NEO1: variants seen among roughly 807,000 people sequenced by gnomAD.
NEO1 encodes the protein neogenin 1.
Under a neutral mutation model 159.7 loss-of-function variants are expected in NEO1, and 63 were observed. The ratio of observed to expected loss-of-function variants is 0.39; its 90% CI spans 0.32 to 0.49. The LOEUF is 0.49. Ranked by LOEUF, NEO1 falls within the 20% of genes least tolerant of loss-of-function variation. The pLI is 0.85. For missense variants in NEO1, 1,615 were observed against 1,831.0 expected (o/e 0.88, Z 2.15); for synonymous variants, 633 against 662.0 (o/e 0.96, Z 0.67).
chr15:73,299,713 A>G (rs2042538770), intron 27 of NEO1, among the ~76,000 whole-genome samples: 1 of 152,270 alleles, frequency 6.6e-6, no homozygotes, highest in East Asian at 1.9e-4. Flanking sequence ...AAACAAAAAT[A>G]TAGTGAGAAG....
intron 1 of NEO1, among the ~76,000 whole-genome samples, chr15:73,057,706 C>T (rs562979564): frequency 3.7e-4 from 57 of 152,252 alleles, no homozygotes; most frequent in African/African-American, 1.3e-3. Flanking sequence ...TTCAGACCCA[C>T]TGGTATGATT....
chr15:73,225,479 C>T (rs1055814137), intron 7 of NEO1, among the ~76,000 whole-genome samples: 3 of 152,060 alleles, frequency 2.0e-5, no homozygotes, highest in African/African-American at 4.8e-5. Flanking sequence ...CGTCTCCCTG[C>T]GGCTGCTGTG....
chr15:73,230,605 GT>G (rs1273411982), intron 7 of NEO1, among the ~76,000 whole-genome samples: 1 of 152,100 alleles, frequency 6.6e-6, no homozygotes, highest in East Asian at 1.9e-4. Flanking sequence ...AAAAAATTGT[GT>G]TTTTGAGGCA....
chr15:73,215,304 T>G (rs1304941240), intron 7 of NEO1, among the ~76,000 whole-genome samples: 1 of 151,830 alleles, frequency 6.6e-6, no homozygotes, highest in African/African-American at 2.4e-5. Context: ...GCTAGGACTT[T>G]CCAGTACTGT....
chr15:73,164,518 T>C (rs2034434481), intron 5 of NEO1, among the ~76,000 whole-genome samples: 1 of 152,168 alleles, frequency 6.6e-6, no homozygotes, highest in South Asian at 2.1e-4. Context: ...CCCAGCCTCT[T>C]TTTCTTATTT....
intron 5 of NEO1, among the ~76,000 whole-genome samples, chr15:73,138,770 A>C (rs1413192202): frequency 6.7e-6 from 1 of 150,188 alleles, no homozygotes. Context: ...AAAAAAAAAA[A>C]ACAAAAAAAC....
intron 7 of NEO1, among the ~76,000 whole-genome samples, chr15:73,211,108 T>C (rs1436801436): frequency 1.3e-5 from 2 of 152,226 alleles, no homozygotes; most frequent in Non-Finnish European, 2.9e-5. Flanking sequence ...CTGATAATTA[T>C]TGTAATATCT....
intron 1 of NEO1, among the ~76,000 whole-genome samples, chr15:73,076,653 C>T (rs1176374387): frequency 6.6e-6 from 1 of 152,138 alleles, no homozygotes; most frequent in Non-Finnish European, 1.5e-5. Context: ...TCCAACTCCC[C>T]CAACCTCAGC....
intron 23 of NEO1, among the ~76,000 whole-genome samples, chr15:73,287,926 C>T (rs750475469): frequency 1.1e-4 from 16 of 151,654 alleles, no homozygotes; most frequent in Non-Finnish European, 2.1e-4. Context: ...TTATAAGCCA[C>T]AGACTTTCCC....
chr15:73,281,901 G>C (rs1000453412), intron 22 of NEO1, among the ~76,000 whole-genome samples: 31 of 152,312 alleles, frequency 2.0e-4, no homozygotes, highest in African/African-American at 7.2e-4. Flanking sequence ...ACAAAGCCTA[G>C]AGCTCATCCT....
intron 1 of NEO1, among the ~76,000 whole-genome samples, chr15:73,055,286 C>T (rs1047243293): frequency 2.6e-5 from 4 of 152,162 alleles, no homozygotes; most frequent in African/African-American, 9.7e-5. Context: ...TCTGCCTGAA[C>T]CATTTATTTC....
rs532027192 is a variant in NEO1 at position 73,112,747 on chromosome 15, G to A, written c.131-3793G>A. On this transcript the variant is annotated intron_variant, in intron 1 of 28. Transcript: ENST00000261908. ...TTGACAAGGTCCTTAACATTTATAT[G>A]TTGTTTTCCTCTCTAAAATGGGGCT... 7.5e-4 allele frequency among the ~76,000 whole-genome samples: 114 copies of A among 152,232 alleles called. 1 individual carries two copies. Among genetic ancestry groups the A allele is most frequent in the Middle Eastern group, 3.4e-3 (1 of 294 alleles).
chr15:73,250,212 A>C (rs1329707260), intron 11 of NEO1, among the ~76,000 whole-genome samples: 1 of 152,126 alleles, frequency 6.6e-6, no homozygotes, highest in African/African-American at 2.4e-5. Context: ...ATATACACCC[A>C]TGACCTAGAG....
At chr15:73,069,354 G>A (rs564828988) in intron 1 of NEO1, among the ~76,000 whole-genome samples, 2 of 151,626 alleles carry the variant, frequency 1.3e-5, no homozygotes, top group African/African-American at 4.8e-5. Context: ...ATGTCAGCAC[G>A]TTCTTTGATC....
At chr15:73,054,939 A>G (rs1009038437) in intron 1 of NEO1, among the ~76,000 whole-genome samples, 98 of 152,180 alleles carry the variant, frequency 6.4e-4, no homozygotes, top group African/African-American at 2.2e-3. Flanking sequence ...ATAGGGGATT[A>G]TAGTGAATAG....
chr15:73,189,362 A>C (rs1449107620), intron 7 of NEO1, among the ~76,000 whole-genome samples: 3 of 152,132 alleles, frequency 2.0e-5, no homozygotes, highest in African/African-American at 7.2e-5. Context: ...CAAATACCGT[A>C]TTTTTTGTTG....
At chr15:73,111,823 T>C (rs1364590365) in intron 1 of NEO1, among the ~76,000 whole-genome samples, 1 of 152,092 alleles carries the variant, frequency 6.6e-6, no homozygotes, top group African/African-American at 2.4e-5. Context: ...TTGGTAGAGA[T>C]GGGGTTTAGA....
intron 5 of NEO1, among the ~76,000 whole-genome samples, chr15:73,144,008 T>C (rs2032666175): frequency 6.6e-6 from 1 of 152,138 alleles, no homozygotes; most frequent in Non-Finnish European, 1.5e-5. Flanking sequence ...ATGGAATGAG[T>C]GAATGAAACT....
At chr15:73,069,085 C>G (rs2068384568) in intron 1 of NEO1, among the ~76,000 whole-genome samples, 1 of 150,812 alleles carries the variant, frequency 6.6e-6, no homozygotes, top group Admixed American at 6.6e-5. Flanking sequence ...TCCCAAGTAG[C>G]TGGGACTACA....
Sources: allele counts gnomAD v4.1 joint callset (sites outside exome capture counted in the v4.1 genomes callset), GRCh38; gene constraint gnomAD v4.1.1; transcripts MANE v1.5; gene names NCBI Gene and HGNC (gene_info 2026-07-23, HGNC 2026-07-21).